OR10Z1: variants seen among roughly 807,000 people sequenced by gnomAD.
OR10Z1 encodes the protein olfactory receptor family 10 subfamily Z member 1.
For missense variants in OR10Z1, 468 were observed against 371.0 expected, an observed-to-expected ratio of 1.26 and a Z score of -2.15; for synonymous variants, 187 against 151.2, an observed-to-expected ratio of 1.24 and a Z score of -1.74.
Position 158,607,164 on chromosome 1 carries a change from C to G in OR10Z1, c.726C>G (p.Ala242=). The G allele has an allele frequency of 6.2e-7, 1 of 1,614,108 alleles. No homozygotes were observed. Among genetic ancestry groups the G allele is most frequent in the Non-Finnish European group, 8.5e-7 (1 of 1,179,990 alleles). ...AGAAGAAGGCCTTCTCCACTTGTGC[C>G]TCGCACCTTACAGTGGTCATTATTC... ...EGQKKAFSTC[A]SHLTVVIIHY... The change falls in exon 2 of 2, where the codon GCC becomes GCG. Residue 242 remains alanine (A), a synonymous_variant. Transcript: ENST00000641002.
rs963155751 is a variant in OR10Z1, at chr1:158,607,486, C to T, written c.*106C>T. 4.0e-5 allele frequency: 33 copies of T among 834,708 alleles called. No homozygotes were observed. The highest frequency in any genetic ancestry group is 3.7e-4 in the African/African-American group (22 of 58,976). The allele number at this position is 834,708 out of a possible 1,614,324, so 51.7% of individuals were successfully genotyped here. On this transcript the variant is annotated 3_prime_UTR_variant, in exon 2 of 2. Transcript: ENST00000641002. Reference sequence around the variant, plus strand: ...GCCTCAGGCCAAAGCTGTCCTACCCCCAATCTTCTGGGAAAGCCTTATCCT... The same window carrying T: ...GCCTCAGGCCAAAGCTGTCCTACCCTCAATCTTCTGGGAAAGCCTTATCCT...
chr1:158,611,098 C>A lies in OR10Z1; in HGVS notation c.*3718C>A. On this transcript the variant is annotated 3_prime_UTR_variant, in exon 2 of 2. Transcript: ENST00000641002. ...TCCCACCCTTGAGATTTTTTAAGATCCTACAATAAATGTAATATGCACACA... is the reference window on the plus strand; with the variant it reads ...TCCCACCCTTGAGATTTTTTAAGATACTACAATAAATGTAATATGCACACA... 2 of 917,948 alleles carry A rather than the reference C, an allele frequency of 2.2e-6. No homozygotes were observed. Among genetic ancestry groups the A allele is most frequent in the Non-Finnish European group, 3.3e-6 (2 of 610,110 alleles). The allele number at this position is 917,948 out of a possible 1,614,324, so 56.9% of individuals were successfully genotyped here. A position where few individuals can be genotyped will look rare whatever the true frequency, so the allele number is the denominator to read the frequency against.
rs1649187563 is a variant in OR10Z1 at position 158,610,488 on chromosome 1, T to C, written c.*3108T>C. The C allele has an allele frequency of 6.6e-6, 1 of 152,126 alleles. No homozygotes were observed. The highest frequency in any genetic ancestry group is 2.1e-4 in the South Asian group (1 of 4,828). The allele number at this position is 152,126 out of a possible 1,614,324, so 9.4% of individuals were successfully genotyped here. ...TATAAATAATTCTATTAACTGTTAC[T>C]TTAACAGGATATTGAAGTATTATTT... is the stretch of plus-strand genomic sequence containing the variant. On this transcript the variant is annotated 3_prime_UTR_variant, in exon 2 of 2. Transcript: ENST00000641002.
chr1:158,608,642 T>A lies in OR10Z1; in HGVS notation c.*1262T>A, dbSNP rs1324355303. The A allele has an allele frequency of 6.6e-6, 1 of 152,154 alleles. No individual in the cohort carries two copies. The highest frequency in any genetic ancestry group is 2.4e-5 in the African/African-American group (1 of 41,448). 9.4% of individuals were successfully genotyped at this position (152,154 alleles called of 1,614,324 possible). On this transcript the variant is annotated 3_prime_UTR_variant, in exon 2 of 2. Transcript: ENST00000641002. Reference sequence around the variant, plus strand: ...AGAAGACTTCATGTCTTAAATAGTATCTGAACTTGTTCCTAAAGGATGGGT... The same window carrying A: ...AGAAGACTTCATGTCTTAAATAGTAACTGAACTTGTTCCTAAAGGATGGGT...
intron 1 of OR10Z1, among the ~76,000 whole-genome samples, chr1:158,605,940 G>T (rs562524297): frequency 6.6e-6 from 1 of 152,132 alleles, no homozygotes; most frequent in South Asian, 2.1e-4. Flanking sequence ...CAATATAAAC[G>T]TATATGTGGT....
rs369500677 is a variant in OR10Z1 at position 158,611,243 on chromosome 1, C to T, written c.*3863C>T. On this transcript the variant is annotated 3_prime_UTR_variant, in exon 2 of 2. Transcript: ENST00000641002. ...TTTCCCACGACACTAAGATTTTCTA[C>T]GATCCACGAGGAGCTGCTTATTAGT... 31 of 1,609,836 alleles carry T rather than the reference C, an allele frequency of 1.9e-5. No homozygotes were observed. Among genetic ancestry groups the T allele is most frequent in the South Asian group, 1.8e-4 (16 of 91,030 alleles).
rs918665417 is a variant in OR10Z1, at chr1:158,608,331, A to G, written c.*951A>G. The G allele has an allele frequency of 6.6e-6, 1 of 152,150 alleles. No individual in the cohort carries two copies. The highest frequency in any genetic ancestry group is 1.5e-5 in the Non-Finnish European group (1 of 68,030). The allele number at this position is 152,150 out of a possible 1,614,324, so 9.4% of individuals were successfully genotyped here. A position where few individuals can be genotyped will look rare whatever the true frequency, so the allele number is the denominator to read the frequency against. On this transcript the variant is annotated 3_prime_UTR_variant, in exon 2 of 2. Transcript: ENST00000641002. ...TATATATAGCGGCGGACATTATTAG[A>G]GAAAGTGTAATGAACTCACAAGACC...
At chr1:158,605,967 G>C (rs1233495288) in intron 1 of OR10Z1, among the ~76,000 whole-genome samples, 1 of 152,180 alleles carries the variant, frequency 6.6e-6, no homozygotes, top group Non-Finnish European at 1.5e-5. Flanking sequence ...ATCTTTATAT[G>C]TGATGTGTGT....
chr1:158,607,147 G>C lies in OR10Z1; in HGVS notation c.709G>C (p.Ala237Pro), dbSNP rs779287825. ...CCCCTCTGCTGAGGGGCAGAAGAAG[G>C]CCTTCTCCACTTGTGCCTCGCACCT... ...RIPSAEGQKK[A>P]FSTCASHLTV... Residue 237 changes from alanine to proline, a missense_variant, in exon 2 of 2, where the codon GCC becomes CCC. Physicochemically the swap from Ala to Pro is conservative, Grantham distance 27 (BLOSUM62 -1). Transcript: ENST00000641002. The C allele has an allele frequency of 2.5e-6, 4 of 1,613,996 alleles. No individual in the cohort carries two copies. The highest frequency in any genetic ancestry group is 3.4e-6 in the Non-Finnish European group (4 of 1,179,944).
Position 158,612,323 on chromosome 1 carries a change from G to A in OR10Z1, c.*4943G>A, listed in dbSNP as rs1403108761. 5.1e-6 allele frequency: 1 copy of A among 196,986 alleles called. No individual in the cohort carries two copies. The highest frequency in any genetic ancestry group is 1.0e-5 in the Non-Finnish European group (1 of 95,806). 12.2% of individuals were successfully genotyped at this position (196,986 alleles called of 1,614,324 possible). ...CCTGATGCAAGTATTTTAAGGAGAGGAATGAAGAAAGCTCTTGGAATCAGA... is the reference window on the plus strand; with the variant it reads ...CCTGATGCAAGTATTTTAAGGAGAGAAATGAAGAAAGCTCTTGGAATCAGA... On this transcript the variant is annotated 3_prime_UTR_variant, in exon 2 of 2. Coordinates refer to ENST00000641002, the MANE Select transcript of OR10Z1 (RefSeq NM_001004478.2).
In OR10Z1 at chr1:158,610,960, G is replaced by T. The variant is rs757145948; in HGVS notation, c.*3580G>T. On this transcript the variant is annotated 3_prime_UTR_variant, in exon 2 of 2. Transcript: ENST00000641002. ...TTCTATAATCGGAATAAAGCAAAAT[G>T]ATAAAGACGTGCAAAACAGAACAAA... 3.5e-6 allele frequency: 1 copy of T among 285,960 alleles called. No homozygotes were observed. The highest frequency in any genetic ancestry group is 6.8e-6 in the Non-Finnish European group (1 of 147,962). The allele number at this position is 285,960 out of a possible 1,614,324, so 17.7% of individuals were successfully genotyped here.
rs1200538295 is a variant in OR10Z1 at position 158,610,109 on chromosome 1, T to C, written c.*2729T>C. 6.6e-6 allele frequency: 1 copy of C among 152,212 alleles called. No individual in the cohort carries two copies. Among genetic ancestry groups the C allele is most frequent in the Non-Finnish European group, 1.5e-5 (1 of 68,034 alleles). 9.4% of individuals were successfully genotyped at this position (152,212 alleles called of 1,614,324 possible). On this transcript the variant is annotated 3_prime_UTR_variant, in exon 2 of 2. Transcript: ENST00000641002. ...AAGAATCACTAAAATACCTGTATGTTGTTAGTATCAATGATAACTTTTTAG... is the reference window on the plus strand; with the variant it reads ...AAGAATCACTAAAATACCTGTATGTCGTTAGTATCAATGATAACTTTTTAG...
In OR10Z1 at chr1:158,607,007, G is replaced by T. The variant is rs764355400; in HGVS notation, c.569G>T (p.Gly190Val). 1 of 1,613,862 alleles carries T rather than the reference G, an allele frequency of 6.2e-7. No homozygotes were observed. The highest frequency in any genetic ancestry group is 8.5e-7 in the Non-Finnish European group (1 of 1,179,932). ...DTPPVLSLAC[G>V]DTGPSELRIF... ...CCACCTGTGCTGAGCCTAGCCTGTG[G>T]AGATACAGGCCCGAGTGAGCTGAGG... The change falls in exon 2 of 2, where the codon GGA becomes GTA. Residue 190 changes from glycine (G) to valine (V), a missense_variant. Coordinates refer to ENST00000641002, the MANE Select transcript of OR10Z1 (RefSeq NM_001004478.2).
At position 158,608,434 on chromosome 1, in the gene OR10Z1, A is replaced by G. The variant is rs1649117482; in HGVS notation, c.*1054A>G. On this transcript the variant is annotated 3_prime_UTR_variant, in exon 2 of 2. Coordinates refer to ENST00000641002, the MANE Select transcript of OR10Z1 (RefSeq NM_001004478.2). ...AGGTAAGTTATTTAACATTTTTTTC[A>G]GCTTCCGAGTCTTATCTTTACAATG... 8.4e-6 allele frequency: 1 copy of G among 119,556 alleles called. No homozygotes were observed. 7.4% of individuals were successfully genotyped at this position (119,556 alleles called of 1,614,324 possible).
chr1:158,607,590 G>A lies in OR10Z1; in HGVS notation c.*210G>A. On this transcript the variant is annotated 3_prime_UTR_variant, in exon 2 of 2. Transcript: ENST00000641002. ...CTGCTCACTGTGCACAACTCAAAAT[G>A]AGCCCAAAATCTGAATTTTAACTTT... 1 of 426,162 alleles carries A rather than the reference G, an allele frequency of 2.3e-6. No homozygotes were observed. Among genetic ancestry groups the A allele is most frequent in the Non-Finnish European group, 4.1e-6 (1 of 242,262 alleles). The allele number at this position is 426,162 out of a possible 1,614,324, so 26.4% of individuals were successfully genotyped here.
At position 158,611,482 on chromosome 1, in the gene OR10Z1, TG is replaced by T; in HGVS notation, c.*4104del. The T allele has an allele frequency of 6.7e-7, 1 of 1,487,744 alleles. No homozygotes were observed. Among genetic ancestry groups the T allele is most frequent in the East Asian group, 2.3e-5 (1 of 43,304 alleles). 92.2% of individuals were successfully genotyped at this position (1,487,744 alleles called of 1,614,324 possible). ...CATATTACGCCATAAATGCAGGAGA[TG>T]GAGAGTCTCTGGAAGACGCAAGCCC... On this transcript the variant is annotated 3_prime_UTR_variant, in exon 2 of 2. Coordinates refer to ENST00000641002, the MANE Select transcript of OR10Z1 (RefSeq NM_001004478.2).
intron 1 of OR10Z1, 102 bp from the exon 2 acceptor site, chr1:158,606,224 G>A (rs115815706): frequency 0.05 from 28,448 of 571,370 alleles, 920 homozygotes; most frequent in Non-Finnish European, 0.07. Context: ...ATGTGTATAT[G>A]TACATACAGT....
chr1:158,611,226 G>C lies in OR10Z1; in HGVS notation c.*3846G>C, dbSNP rs757763322. 3 of 1,606,884 alleles carry C rather than the reference G, an allele frequency of 1.9e-6. No homozygotes were observed. The highest frequency in any genetic ancestry group is 1.3e-5 in the African/African-American group (1 of 74,314). ...CTTTGCCCCCCAGTAAATTTCCCAC[G>C]ACACTAAGATTTTCTACGATCCACG... On this transcript the variant is annotated 3_prime_UTR_variant, in exon 2 of 2. Coordinates refer to ENST00000641002, the MANE Select transcript of OR10Z1 (RefSeq NM_001004478.2).
At position 158,611,131 on chromosome 1, in the gene OR10Z1, G is replaced by GCACGCACACACACA. The variant is rs1553221963; in HGVS notation, c.*3754_*3755insGCACACACACACAC. 1 of 670,346 alleles carries GCACGCACACACACA rather than the reference G, an allele frequency of 1.5e-6. No homozygotes were observed. The allele number at this position is 670,346 out of a possible 1,614,324, so 41.5% of individuals were successfully genotyped here. A position where few individuals can be genotyped will look rare whatever the true frequency, so the allele number is the denominator to read the frequency against. On this transcript the variant is annotated 3_prime_UTR_variant, in exon 2 of 2. Transcript: ENST00000641002. Reference sequence around the variant, plus strand: ...AAATGTAATATGCACACAAACACAAGCACACACACACACACACACACACAC... The same window carrying GCACGCACACACACA: ...AAATGTAATATGCACACAAACACAAGCACGCACACACACACACACACACACACACACACACACAC...
Sources: allele counts gnomAD v4.1 joint callset (sites outside exome capture counted in the v4.1 genomes callset), GRCh38; gene constraint gnomAD v4.1.1; transcripts MANE v1.5; gene names NCBI Gene and HGNC (gene_info 2026-07-23, HGNC 2026-07-21).